The following NUP188 variants were observed in gnomAD, a reference collection of about 807,000 sequenced individuals.
NUP188 encodes the protein nucleoporin NUP188.
NUP188 carries 97 observed loss-of-function variants against 223.0 expected under a neutral mutation model. The ratio of observed to expected loss-of-function variants is 0.43; its 90% CI spans 0.37 to 0.51. The LOEUF is 0.51. Ranked by LOEUF, NUP188 falls within the 20% of genes least tolerant of loss-of-function variation. NUP188 has a pLI of 0.00. For synonymous variants in NUP188, 869 were observed against 828.0 expected, an observed-to-expected ratio of 1.05 and a Z score of -0.85; for missense variants, 1,947 against 2,175.6, an observed-to-expected ratio of 0.89 and a Z score of 2.09.
At chr9:128,956,186 T>TGG (rs1466627428) in intron 3 of NUP188, among the ~76,000 whole-genome samples, 164 bp from the exon 4 acceptor site, 2 of 120,582 alleles carry the variant, frequency 1.7e-5, no homozygotes, top group African/African-American at 7.3e-5. Context: ...TGAATGGGTG[T>TGG]GTGTGTGTGT....
intron 19 of NUP188, among the ~76,000 whole-genome samples, chr9:128,984,123 G>GTTTTTTTTTTTTTTTTTTTT (rs1564560013): frequency 1.9e-5 from 2 of 106,538 alleles, no homozygotes; most frequent in African/African-American, 5.9e-5. Context: ...CGCCTGGCCT[G>GTTTTTTTTTTTTTTTTTTTT]ATTTTTTTTT....
chr9:128,988,335 C>T, intron 24 of NUP188, 149 bp downstream of exon 24: 1 of 866,756 alleles, frequency 1.2e-6, no homozygotes, highest in Non-Finnish European at 1.8e-6. Flanking sequence ...AGCTCCTTTC[C>T]TGAAATTGGA....
intron 11 of NUP188, among the ~76,000 whole-genome samples, 159 bp downstream of exon 11, chr9:128,971,117 A>C (rs753584932): frequency 6.6e-6 from 1 of 152,168 alleles, no homozygotes; most frequent in Non-Finnish European, 1.5e-5. Flanking sequence ...ATGTTTATGA[A>C]CATTATCTTT....
At position 128,973,208 on chromosome 9, in the gene NUP188, G is replaced by A. The variant is rs1358137049; in HGVS notation, c.1162G>A (p.Val388Ile). The A allele has an allele frequency of 3.7e-6, 6 of 1,613,400 alleles. No homozygotes were observed. Among genetic ancestry groups the A allele is most frequent in the Admixed American group, 3.3e-5 (2 of 59,966 alleles). The change falls in exon 12 of 44, where the codon GTT (valine) becomes ATT (isoleucine). Residue 388 changes from valine (V) to isoleucine (I), a missense_variant. Physicochemically the swap from Val to Ile is conservative, Grantham distance 29. Coordinates refer to ENST00000372577, the MANE Select transcript of NUP188 (RefSeq NM_015354.3). ...CMCVYGLLSFVLTSLELHTLG... is the reference protein window; with the variant it reads ...CMCVYGLLSFILTSLELHTLG... The stretch of plus-strand genomic sequence containing the variant: ...GTGTGTCTATGGACTGCTCTCTTTC[G>A]TTCTGACCTCGTTGGAGCTGCACAC...
At chr9:128,992,409 A>G (rs949355209) in intron 25 of NUP188, among the ~76,000 whole-genome samples, 5 of 151,768 alleles carry the variant, frequency 3.3e-5, no homozygotes, top group African/African-American at 1.2e-4. Flanking sequence ...TGGCCAGGCT[A>G]GTCTCGAACT....
intron 8 of NUP188, 90 bp downstream of exon 8, chr9:128,959,224 C>T (rs916675653): frequency 1.0e-5 from 10 of 953,450 alleles, no homozygotes; most frequent in Admixed American, 5.5e-5. Flanking sequence ...GGCATGATCT[C>T]GGCTCACTGC....
At chr9:128,957,962 A>C in intron 5 of NUP188, 48 bp from the exon 6 acceptor site, 1 of 1,433,454 alleles carries the variant, frequency 7.0e-7, no homozygotes. Context: ...TTATTACTTG[A>C]GTTTTGCCTA....
At position 129,000,072 on chromosome 9, in the gene NUP188, C is replaced by T. The variant is rs1842613456; in HGVS notation, c.3843+267C>T. ...TCAGCAATGACTTAGAGATTGTAGC[C>T]GCGGGCAAATGCAGGATCCGAAGTG... On this transcript the variant is annotated intron_variant, in intron 34 of 43. Transcript: ENST00000372577. 2.6e-5 allele frequency among the ~76,000 whole-genome samples: 4 copies of T among 152,088 alleles called. No homozygotes were observed. The South Asian group carries it at 6.2e-4, about 24-fold the overall frequency.
intron 12 of NUP188, among the ~76,000 whole-genome samples, chr9:128,974,997 G>A (rs536197961): frequency 1.3e-5 from 2 of 151,948 alleles, no homozygotes; most frequent in Non-Finnish European, 1.5e-5. Flanking sequence ...CTGACCTCAG[G>A]TGATCCCACT....
intron 1 of NUP188, chr9:128,948,162 GCCCCGGCGTCGAGTGCGCCCTGCTGGCT>G (rs1192915655): frequency 5.9e-6 from 1 of 170,822 alleles, no homozygotes; most frequent in African/African-American, 2.4e-5. Flanking sequence ...CCAGTGTCCT[GCCCCGGCGTCGAGTGCGCCCTGCTGGCT>G]CCCCGACCTC....
intron 12 of NUP188, among the ~76,000 whole-genome samples, chr9:128,978,834 C>T (rs1284283521): frequency 6.6e-6 from 1 of 152,056 alleles, no homozygotes; most frequent in African/African-American, 2.4e-5. Flanking sequence ...CTCAGCCACT[C>T]AAGTAGCTGG....
At chr9:128,956,804 G>T in intron 4 of NUP188, 148 bp from the exon 5 acceptor site, 1 of 564,884 alleles carries the variant, frequency 1.8e-6, no homozygotes, top group South Asian at 2.5e-5. Flanking sequence ...TCTTCTATTA[G>T]AGTCAGAATT....
intron 2 of NUP188, 113 bp downstream of exon 2, chr9:128,949,356 G>C: frequency 1.4e-6 from 1 of 734,244 alleles, no homozygotes; most frequent in Non-Finnish European, 2.3e-6. Flanking sequence ...TTTAGAGACA[G>C]AGTTTCGCTC....
intron 9 of NUP188, among the ~76,000 whole-genome samples, chr9:128,968,983 G>T (rs1842069416): frequency 6.6e-6 from 1 of 152,186 alleles, no homozygotes; most frequent in East Asian, 1.9e-4. Flanking sequence ...AACAACTATT[G>T]TAGGCCAAGC....
In NUP188 at chr9:129,006,833, GTTA is replaced by G; in HGVS notation, c.*158_*160del. Reference sequence around the variant, plus strand: ...ACGACTCCAGCCACCACCCACTGACGTTATTTTTATACTAGATGAAGAGGTCAA... The same window carrying G: ...ACGACTCCAGCCACCACCCACTGACGTTTTTATACTAGATGAAGAGGTCAA... On this transcript the variant is annotated 3_prime_UTR_variant, in exon 44 of 44. Coordinates refer to ENST00000372577, the MANE Select transcript of NUP188 (RefSeq NM_015354.3). 1 of 701,408 alleles carries G rather than the reference GTTA, an allele frequency of 1.4e-6. No homozygotes were observed. Among genetic ancestry groups the G allele is most frequent in the Non-Finnish European group, 2.2e-6 (1 of 444,802 alleles). 43.4% of individuals were successfully genotyped at this position (701,408 alleles called of 1,614,324 possible). A position where few individuals can be genotyped will look rare whatever the true frequency, so the allele number is the denominator to read the frequency against.
chr9:128,969,183 T>C (rs1324901778), intron 9 of NUP188, among the ~76,000 whole-genome samples: 1 of 152,214 alleles, frequency 6.6e-6, no homozygotes, highest in Non-Finnish European at 1.5e-5. Flanking sequence ...GTGTGTGGTA[T>C]AGATGGGGTG....
chr9:128,985,121 G>A (rs1588283259), intron 20 of NUP188, 107 bp downstream of exon 20: 2 of 748,618 alleles, frequency 2.7e-6, no homozygotes, highest in East Asian at 5.1e-5. Flanking sequence ...CTTCTTGTCT[G>A]TAGGCAGAAT....
At chr9:128,959,190 C>CTT in intron 8 of NUP188, 56 bp downstream of exon 8, 1 of 1,418,816 alleles carries the variant, frequency 7.0e-7, no homozygotes, top group East Asian at 2.5e-5. Context: ...GAGTTTCCCT[C>CTT]TGTCACCCAG....
At chr9:128,999,876 A>G in intron 34 of NUP188, 71 bp downstream of exon 34, 2 of 1,440,942 alleles carry the variant, frequency 1.4e-6, no homozygotes, top group Non-Finnish European at 1.9e-6. Flanking sequence ...CTCTGGGGAT[A>G]AGTAGTGATC....
Sources: allele counts gnomAD v4.1 joint callset (sites outside exome capture counted in the v4.1 genomes callset), GRCh38; gene constraint gnomAD v4.1.1; transcripts MANE v1.5; gene names NCBI Gene and HGNC (gene_info 2026-07-23, HGNC 2026-07-21).